The following GABRB2 variants were observed in gnomAD, a reference collection of about 807,000 sequenced individuals.
GABRB2 encodes gamma-aminobutyric acid receptor subunit beta-2.
In GABRB2, 16 loss-of-function variants were observed where a neutral mutation model predicts 54.7. The ratio of observed to expected loss-of-function variants is 0.29; its 90% CI spans 0.20 to 0.44. The LOEUF is 0.44. Ranked by LOEUF, GABRB2 falls within the 20% of genes least tolerant of loss-of-function variation. The probability of loss-of-function intolerance (pLI) is 1.00; values close to 1 mark genes in which losing one functional copy is unlikely to be tolerated. For synonymous variants in GABRB2, 244 were observed against 233.8 expected (o/e 1.04, Z -0.40); for missense variants, 355 against 644.0 (o/e 0.55, Z 4.86).
At chr5:161,310,963 T>C (rs1757849333) in intron 9 of GABRB2, among the ~76,000 whole-genome samples, 1 of 152,130 alleles carries the variant, frequency 6.6e-6, no homozygotes, top group South Asian at 2.1e-4. Context: ...GGTTTCACCG[T>C]GTTAGCCAAG....
At chr5:161,394,282 C>T (rs907650514) in intron 5 of GABRB2, among the ~76,000 whole-genome samples, 8 of 151,802 alleles carry the variant, frequency 5.3e-5, no homozygotes, top group African/African-American at 1.9e-4. Context: ...AAATCGGTGG[C>T]TCAAAGTATC....
At chr5:161,518,318 A>T (rs2113423125) in intron 3 of GABRB2, among the ~76,000 whole-genome samples, 1 of 152,302 alleles carries the variant, frequency 6.6e-6, no homozygotes, top group Non-Finnish European at 1.5e-5. Flanking sequence ...TAAAAAATGA[A>T]TTATTTACAG....
chr5:161,357,197 C>A (rs549919244), intron 5 of GABRB2, among the ~76,000 whole-genome samples: 9 of 152,204 alleles, frequency 5.9e-5, no homozygotes, highest in Non-Finnish European at 1.0e-4. Flanking sequence ...TTAAGCAGAA[C>A]CATCAGTGAG....
intron 3 of GABRB2, among the ~76,000 whole-genome samples, chr5:161,495,509 T>G (rs1759210086): frequency 6.6e-6 from 1 of 152,008 alleles, no homozygotes; most frequent in Non-Finnish European, 1.5e-5. Context: ...ATAAAGAAAT[T>G]TGAAAACGTT....
rs979522745 is a variant in GABRB2 at position 161,434,043 on chromosome 5, A to G, written c.459-22986T>C. Reference sequence around the variant, plus strand: ...ATCTTTTCCTATGTATTCGAATTTTAGTGTAATATTTTCAAAGAAAAAGCA... The same window carrying G: ...ATCTTTTCCTATGTATTCGAATTTTGGTGTAATATTTTCAAAGAAAAAGCA... On this transcript the variant is annotated intron_variant, in intron 4 of 9. Coordinates refer to ENST00000393959, the MANE Select transcript of GABRB2 (RefSeq NM_001371727.1). 1.2e-4 allele frequency among the ~76,000 whole-genome samples: 18 copies of G among 152,160 alleles called. 1 individual carries two copies. The highest frequency in any genetic ancestry group is 2.5e-4 in the Non-Finnish European group (17 of 68,014).
chr5:161,501,524 T>C (rs573493621), intron 3 of GABRB2, among the ~76,000 whole-genome samples: 3 of 152,312 alleles, frequency 2.0e-5, no homozygotes, highest in African/African-American at 7.2e-5. Context: ...CATTTTTCAA[T>C]GTTATTGGCA....
intron 3 of GABRB2, among the ~76,000 whole-genome samples, chr5:161,492,984 T>C (rs867778951): frequency 2.6e-5 from 4 of 151,914 alleles, no homozygotes; most frequent in South Asian, 2.1e-4. Context: ...AGAACAAATA[T>C]CATTGCAAAT....
At chr5:161,321,605 G>C (rs1758212290) in intron 9 of GABRB2, among the ~76,000 whole-genome samples, 1 of 152,046 alleles carries the variant, frequency 6.6e-6, no homozygotes, top group African/African-American at 2.4e-5. Flanking sequence ...GCAAATTGAG[G>C]ATAAAGTATC....
intron 5 of GABRB2, among the ~76,000 whole-genome samples, chr5:161,393,863 A>C (rs1186828271): frequency 6.6e-6 from 1 of 152,112 alleles, no homozygotes; most frequent in East Asian, 1.9e-4. Flanking sequence ...TAATATAAAC[A>C]TAGAAAGTAT....
intron 3 of GABRB2, among the ~76,000 whole-genome samples, chr5:161,476,047 T>G (rs1758582449): frequency 1.3e-5 from 2 of 152,042 alleles, no homozygotes; most frequent in African/African-American, 4.8e-5. Flanking sequence ...AAATCCTAAA[T>G]ATTCCACAAA....
At chr5:161,322,050 T>C (rs1758226388) in intron 9 of GABRB2, among the ~76,000 whole-genome samples, 1 of 152,104 alleles carries the variant, frequency 6.6e-6, no homozygotes, top group Admixed American at 6.6e-5. Context: ...GTAGCTTCTG[T>C]AGTCATATTT....
chr5:161,467,986 C>T lies in GABRB2; in HGVS notation c.238-8142G>A, dbSNP rs574485874. Among the ~76,000 whole-genome samples the T allele has an allele frequency of 6.6e-5, 10 of 152,170 alleles. No homozygotes were observed. The East Asian group carries it at 1.9e-3, about 30-fold the overall frequency. ...TTGCTCTGATCTTTGCATTTGCATG[C>T]TTTGGAATATTTATAGAAAATAATT... On this transcript the variant is annotated intron_variant, in intron 3 of 9. Coordinates refer to ENST00000393959, the MANE Select transcript of GABRB2 (RefSeq NM_001371727.1).
At chr5:161,414,465 A>T (rs897916169) in intron 4 of GABRB2, among the ~76,000 whole-genome samples, 1 of 152,230 alleles carries the variant, frequency 6.6e-6, no homozygotes, top group East Asian at 1.9e-4. Context: ...ATACATAAAG[A>T]CATGTGGAAT....
intron 5 of GABRB2, among the ~76,000 whole-genome samples, chr5:161,401,840 T>C (rs761748289): frequency 1.3e-5 from 2 of 152,168 alleles, no homozygotes; most frequent in African/African-American, 4.8e-5. Flanking sequence ...ATTCAACTTC[T>C]ATGCATTCAT....
intron 4 of GABRB2, among the ~76,000 whole-genome samples, chr5:161,419,291 T>C (rs990003764): frequency 6.6e-6 from 1 of 152,080 alleles, no homozygotes. Flanking sequence ...ATGGCTATTA[T>C]GAAAAAGTAA....
rs558745023 is a variant in GABRB2 at position 161,288,889 on chromosome 5, G to A, written c.*5192C>T. 1.3e-5 allele frequency: 2 copies of A among 152,184 alleles called. No homozygotes were observed. Among genetic ancestry groups the A allele is most frequent in the East Asian group, 3.9e-4 (2 of 5,186 alleles). 9.4% of individuals were successfully genotyped at this position (152,184 alleles called of 1,614,324 possible). A position where few individuals can be genotyped will look rare whatever the true frequency, so the allele number is the denominator to read the frequency against. On this transcript the variant is annotated 3_prime_UTR_variant, in exon 10 of 10. Coordinates refer to ENST00000393959, the MANE Select transcript of GABRB2 (RefSeq NM_001371727.1). ...CTGTGAGGTTTAAATTAAACTATAG[G>A]CAACTTTGTTGGGATTAATTATGTT...
intron 9 of GABRB2, among the ~76,000 whole-genome samples, chr5:161,318,343 A>G (rs935867743): frequency 2.6e-5 from 4 of 151,866 alleles, no homozygotes; most frequent in Non-Finnish European, 4.4e-5. Flanking sequence ...CCTTTTATGT[A>G]TTTCTGCCTA....
intron 5 of GABRB2, among the ~76,000 whole-genome samples, chr5:161,407,497 G>C (rs569293946): frequency 6.6e-6 from 1 of 151,786 alleles, no homozygotes; most frequent in Non-Finnish European, 1.5e-5. Context: ...CTAAAGCATC[G>C]GCACACCTGG....
At chr5:161,331,549 TG>T (rs1216352215) in intron 7 of GABRB2, among the ~76,000 whole-genome samples, 1 of 152,082 alleles carries the variant, frequency 6.6e-6, no homozygotes, top group African/African-American at 2.4e-5. Flanking sequence ...AACCCAGAAC[TG>T]GGGGTCAAAA....
Sources: gnomAD v4.1 joint callset for allele counts (sites outside exome capture counted in the v4.1 genomes callset) on GRCh38, gnomAD v4.1.1 for gene constraint, MANE v1.5 for transcripts, NCBI Gene and HGNC (gene_info 2026-07-23, HGNC 2026-07-21) for gene names.